SBF2: variants seen among roughly 807,000 people sequenced by gnomAD.
SBF2 encodes myotubularin-related protein 13.
SBF2 carries 112 observed loss-of-function variants against 225.2 expected under a neutral mutation model. That is an observed-to-expected ratio of 0.50 (90% confidence interval 0.43 to 0.58). The LOEUF is 0.58. Among genes scored for constraint, SBF2 ranks in the 20% least tolerant of loss-of-function variants. The pLI is 0.00. For synonymous variants in SBF2, 763 were observed against 773.3 expected (o/e 0.99, Z 0.22); for missense variants, 1,996 against 2,206.2 (o/e 0.90, Z 1.91).
At chr11:10,059,901 A>G (rs1204038736) in intron 2 of SBF2, among the ~76,000 whole-genome samples, 4 of 152,236 alleles carry the variant, frequency 2.6e-5, no homozygotes, top group Admixed American at 1.3e-4. Flanking sequence ...AAGAATACAT[A>G]GCACTAAATG....
intron 6 of SBF2, among the ~76,000 whole-genome samples, chr11:10,013,135 T>C (rs758032833): frequency 3.9e-5 from 6 of 152,218 alleles, no homozygotes; most frequent in African/African-American, 7.2e-5. Flanking sequence ...TCTAAGACTT[T>C]CTCCTCTTCA....
Position 9,787,733 on chromosome 11 carries a change from A to G in SBF2, c.4938T>C (p.Ile1646=). Residue 1646 remains isoleucine (I), a synonymous_variant, in exon 36 of 40, where the codon ATT becomes ATC. Transcript: ENST00000256190. ...PDALTSLFSE[I]EKLEHKLNQA... ...GGTTCAATTTGTGCTCCAATTTTTCAATTTCCTGCAAAGAAATTAAAAGTT... is the reference window on the plus strand; with the variant it reads ...GGTTCAATTTGTGCTCCAATTTTTCGATTTCCTGCAAAGAAATTAAAAGTT... 1 of 1,613,920 alleles carries G rather than the reference A, an allele frequency of 6.2e-7. No homozygotes were observed. The highest frequency in any genetic ancestry group is 8.5e-7 in the Non-Finnish European group (1 of 1,179,842).
At chr11:10,015,995 T>C (rs1028619211) in intron 6 of SBF2, among the ~76,000 whole-genome samples, 2 of 152,122 alleles carry the variant, frequency 1.3e-5, no homozygotes, top group African/African-American at 4.8e-5. Flanking sequence ...CAGGCTGGTC[T>C]TGAACTCCTG....
At chr11:9,894,443 G>T (rs1484088415) in intron 17 of SBF2, among the ~76,000 whole-genome samples, 1 of 152,108 alleles carries the variant, frequency 6.6e-6, no homozygotes, top group African/African-American at 2.4e-5. Context: ...CTTGAACCTG[G>T]GAGGTGGAGG....
chr11:10,054,333 C>T (rs1950172598), intron 2 of SBF2, among the ~76,000 whole-genome samples: 1 of 152,128 alleles, frequency 6.6e-6, no homozygotes, highest in Admixed American at 6.6e-5. Flanking sequence ...GATATACAAA[C>T]ATACACAAAT....
At chr11:10,006,011 A>G (rs1464537236) in intron 6 of SBF2, among the ~76,000 whole-genome samples, 1 of 152,156 alleles carries the variant, frequency 6.6e-6, no homozygotes, top group Non-Finnish European at 1.5e-5. Flanking sequence ...GAGGTTCATG[A>G]GAGTGGTAGG....
At chr11:10,132,332 T>C (rs1434560156) in intron 2 of SBF2, among the ~76,000 whole-genome samples, 1 of 152,124 alleles carries the variant, frequency 6.6e-6, no homozygotes, top group South Asian at 2.1e-4. Context: ...GTGTCCAGAA[T>C]TGGTGGGTTC....
intron 16 of SBF2, among the ~76,000 whole-genome samples, chr11:9,934,375 G>A (rs961688869): frequency 1.1e-4 from 17 of 152,156 alleles, no homozygotes; most frequent in Non-Finnish European, 1.0e-4. Flanking sequence ...TCTACCAGAG[G>A]TACAAAGAGG....
intron 17 of SBF2, among the ~76,000 whole-genome samples, chr11:9,885,847 C>G (rs1860248273): frequency 6.6e-6 from 1 of 152,158 alleles, no homozygotes; most frequent in Admixed American, 6.6e-5. Flanking sequence ...AAGGCAGAAA[C>G]AGAATTGAAA....
intron 13 of SBF2, among the ~76,000 whole-genome samples, chr11:9,969,775 T>C (rs1867206441): frequency 6.6e-6 from 1 of 152,206 alleles, no homozygotes; most frequent in Admixed American, 6.5e-5. Context: ...TTACATTTTA[T>C]TTAACTTGTT....
chr11:9,875,075 A>G (rs952093562), intron 17 of SBF2, among the ~76,000 whole-genome samples: 9 of 152,256 alleles, frequency 5.9e-5, no homozygotes, highest in African/African-American at 2.2e-4. Context: ...CTGAGCCTCT[A>G]GAATGAGAGA....
chr11:9,832,172 A>G (rs1855440261), intron 27 of SBF2, 52 bp downstream of exon 27: 1 of 1,504,932 alleles, frequency 6.6e-7, no homozygotes, highest in Non-Finnish European at 9.2e-7. Context: ...CTTTATTTTT[A>G]GCACTGTCCT....
At chr11:10,005,373 CAAG>C (rs1948147635) in intron 6 of SBF2, among the ~76,000 whole-genome samples, 1 of 152,142 alleles carries the variant, frequency 6.6e-6, no homozygotes, top group African/African-American at 2.4e-5. Flanking sequence ...GTGCCCACCC[CAAG>C]GGAAGAATCT....
chr11:10,206,274 T>C (rs1419853788), intron 1 of SBF2, among the ~76,000 whole-genome samples: 2 of 151,110 alleles, frequency 1.3e-5, no homozygotes, highest in African/African-American at 4.9e-5. Flanking sequence ...CTATATTTAA[T>C]GGCCCCAGCA....
chr11:10,230,339 T>C (rs1181004673), intron 1 of SBF2, among the ~76,000 whole-genome samples: 2 of 152,218 alleles, frequency 1.3e-5, no homozygotes, highest in East Asian at 1.9e-4. Flanking sequence ...ATGTGTGAAT[T>C]TGATCCTGTC....
At chr11:10,279,521 T>C (rs1163876749) in intron 1 of SBF2, among the ~76,000 whole-genome samples, 1 of 152,146 alleles carries the variant, frequency 6.6e-6, no homozygotes, top group Non-Finnish European at 1.5e-5. Context: ...TTGGCACATA[T>C]CACCACTATC....
chr11:10,169,953 A>G (rs1282978779), intron 2 of SBF2, among the ~76,000 whole-genome samples: 2 of 152,144 alleles, frequency 1.3e-5, no homozygotes, highest in East Asian at 1.9e-4. Flanking sequence ...ACCTTTTCAT[A>G]TAACTGTTTG....
intron 17 of SBF2, among the ~76,000 whole-genome samples, chr11:9,891,752 G>A (rs1364965529): frequency 6.6e-6 from 1 of 152,232 alleles, no homozygotes; most frequent in East Asian, 1.9e-4. Context: ...AAAGAAGTAA[G>A]AAGGAACTGT....
rs368259453 is a variant in SBF2, at chr11:9,856,699, A to G, written c.2122T>C (p.Tyr708His). The G allele has an allele frequency of 9.9e-6, 16 of 1,613,858 alleles. No individual in the cohort carries two copies. The highest frequency in any genetic ancestry group is 2.7e-5 in the African/African-American group (2 of 74,914). The change falls in exon 19 of 40, where the codon TAT becomes CAT. Residue 708 changes from tyrosine to histidine, a missense_variant. Physicochemically the swap from Tyr to His is moderately conservative, Grantham distance 83. Coordinates refer to ENST00000256190, the MANE Select transcript of SBF2 (RefSeq NM_030962.4). ...KQKDKLPDDH[Y>H]QEKTAMDLAA... Reference sequence around the variant, plus strand: ...AGGTCCATTGCTGTCTTCTCCTGATAATGGTCATCAGGAAGCTTATCCTAA... The same window carrying G: ...AGGTCCATTGCTGTCTTCTCCTGATGATGGTCATCAGGAAGCTTATCCTAA...
Sources: allele counts gnomAD v4.1 joint callset (sites outside exome capture counted in the v4.1 genomes callset), GRCh38; gene constraint gnomAD v4.1.1; transcripts MANE v1.5; gene names NCBI Gene and HGNC (gene_info 2026-07-23, HGNC 2026-07-21).